The following SIAH3 variants were observed in gnomAD, a reference collection of about 807,000 sequenced individuals.
SIAH3 encodes the protein siah E3 ubiquitin protein ligase family member 3.
Under a neutral mutation model 12.6 loss-of-function variants are expected in SIAH3, and 9 were observed. The observed-to-expected ratio is 0.72, with a 90% CI of 0.43 to 1.25. The LOEUF (loss-of-function observed/expected upper bound fraction) is 1.25. Ranked by LOEUF, SIAH3 falls within the 50% of genes most tolerant of loss-of-function variation. The probability of loss-of-function intolerance (pLI) is 0.00; values close to 1 mark genes in which losing one functional copy is unlikely to be tolerated. For synonymous variants in SIAH3, 154 were observed against 151.1 expected (o/e 1.02, Z -0.14); for missense variants, 390 against 365.4 (o/e 1.07, Z -0.55).
At chr13:45,802,204 G>A (rs534352083) in intron 1 of SIAH3, among the ~76,000 whole-genome samples, 1 of 152,278 alleles carries the variant, frequency 6.6e-6, no homozygotes, top group East Asian at 1.9e-4. Flanking sequence ...TGCTCTGGAG[G>A]CTGAGGCAAG....
intron 1 of SIAH3, among the ~76,000 whole-genome samples, chr13:45,819,047 T>C (rs948866169): frequency 1.3e-5 from 2 of 152,144 alleles, no homozygotes; most frequent in Non-Finnish European, 2.9e-5. Flanking sequence ...GCTGGCTAAA[T>C]GCTGACCCAG....
chr13:45,803,274 ATTCATTCG>A (rs1950588462), intron 1 of SIAH3, among the ~76,000 whole-genome samples: 1 of 152,200 alleles, frequency 6.6e-6, no homozygotes, highest in South Asian at 2.1e-4. Context: ...TTATTCATTC[ATTCATTCG>A]TTCATCAAAC....
intron 1 of SIAH3, among the ~76,000 whole-genome samples, chr13:45,797,021 G>A (rs116828716): frequency 0.02 from 2,984 of 152,152 alleles, 112 homozygotes; most frequent in African/African-American, 0.069. Flanking sequence ...CTAATAATTC[G>A]TTCATCCAAT....
Position 45,824,961 on chromosome 13 carries a change from C to A in SIAH3, c.135+26534G>T, listed in dbSNP as rs369556550. Among the ~76,000 whole-genome samples the A allele has an allele frequency of 7.3e-4, 110 of 150,758 alleles. 1 individual carries two copies. Among genetic ancestry groups the A allele is most frequent in the South Asian group, 6.1e-3 (29 of 4,724 alleles). Reference sequence around the variant, plus strand: ...TCTGCAGGGCTGTGCTGAGAAGTGACAGAGAACCAAGGCGTGTGCTAATGT... The same window carrying A: ...TCTGCAGGGCTGTGCTGAGAAGTGAAAGAGAACCAAGGCGTGTGCTAATGT... On this transcript the variant is annotated intron_variant, in intron 1 of 1. Coordinates refer to ENST00000400405, the MANE Select transcript of SIAH3 (RefSeq NM_198849.3).
intron 1 of SIAH3, among the ~76,000 whole-genome samples, chr13:45,793,840 T>C (rs150223885): frequency 3.2e-4 from 48 of 152,368 alleles, no homozygotes; most frequent in African/African-American, 5.5e-4. Flanking sequence ...AAATTGTCTT[T>C]GTAGATGTAA....
intron 1 of SIAH3, among the ~76,000 whole-genome samples, chr13:45,834,176 T>C (rs978398094): frequency 3.3e-5 from 5 of 152,244 alleles, no homozygotes; most frequent in African/African-American, 4.8e-5. Flanking sequence ...TGCCAATTTC[T>C]TACTAGAATT....
chr13:45,803,303 C>T (rs1258432522), intron 1 of SIAH3, among the ~76,000 whole-genome samples: 1 of 151,970 alleles, frequency 6.6e-6, no homozygotes, highest in Non-Finnish European at 1.5e-5. Context: ...TTTATCAGCC[C>T]TCTTTCATGT....
At chr13:45,840,201 TG>T (rs921999053) in intron 1 of SIAH3, among the ~76,000 whole-genome samples, 12 of 151,856 alleles carry the variant, frequency 7.9e-5, no homozygotes, top group African/African-American at 2.4e-4. Flanking sequence ...GAGATTGCAG[TG>T]AGTTGAGATC....
chr13:45,815,401 C>T (rs1406791499), intron 1 of SIAH3, among the ~76,000 whole-genome samples: 2 of 152,114 alleles, frequency 1.3e-5, no homozygotes, highest in African/African-American at 4.8e-5. Context: ...TACAGACTGT[C>T]TTTGGGCTCC....
Position 45,780,468 on chromosome 13 carries a change from A to C in SIAH3, c.*2915T>G, listed in dbSNP as rs1336705557. On this transcript the variant is annotated 3_prime_UTR_variant, in exon 2 of 2. Transcript: ENST00000400405. ...TTTTTTGTAGAAATGAAGTCTCGCTATATTGCCCAGGCTGGTCTCAAACTC... is the reference window on the plus strand; with the variant it reads ...TTTTTTGTAGAAATGAAGTCTCGCTCTATTGCCCAGGCTGGTCTCAAACTC... 4 of 151,704 alleles carry C rather than the reference A, an allele frequency of 2.6e-5. No homozygotes were observed. The highest frequency in any genetic ancestry group is 1.3e-4 in the Admixed American group (2 of 15,220). The allele number at this position is 151,704 out of a possible 1,614,324, so 9.4% of individuals were successfully genotyped here.
intron 1 of SIAH3, among the ~76,000 whole-genome samples, chr13:45,789,406 ATC>A (rs1491192650): frequency 1.1e-5 from 1 of 91,362 alleles, no homozygotes; most frequent in Non-Finnish European, 2.3e-5. Flanking sequence ...CTATCTATCT[ATC>A]TATCTATCTA....
chr13:45,800,300 G>C (rs576506430), intron 1 of SIAH3, among the ~76,000 whole-genome samples: 37 of 152,052 alleles, frequency 2.4e-4, no homozygotes, highest in Non-Finnish European at 4.4e-4. Context: ...CATTATTTTT[G>C]GTGGCTCCAT....
intron 1 of SIAH3, among the ~76,000 whole-genome samples, chr13:45,820,226 C>G (rs1055491405): frequency 6.6e-6 from 1 of 152,182 alleles, no homozygotes; most frequent in Non-Finnish European, 1.5e-5. Flanking sequence ...AGATGGTTCA[C>G]AGCACCACGA....
intron 1 of SIAH3, among the ~76,000 whole-genome samples, chr13:45,843,347 T>A (rs1396898336): frequency 6.6e-6 from 1 of 152,070 alleles, no homozygotes; most frequent in East Asian, 1.9e-4. Flanking sequence ...CTCAGAGTGG[T>A]GTCATCGAGC....
At chr13:45,846,995 G>T (rs540459228) in intron 1 of SIAH3, among the ~76,000 whole-genome samples, 2 of 152,346 alleles carry the variant, frequency 1.3e-5, no homozygotes, top group Admixed American at 1.3e-4. Flanking sequence ...GGAAGAGGCT[G>T]CAAAGCCTTT....
rs1593373349 is a variant in SIAH3, at chr13:45,783,281, AAAAG to A, written c.*98_*101del. 4.9e-6 allele frequency: 4 copies of A among 809,786 alleles called. No homozygotes were observed. The highest frequency in any genetic ancestry group is 1.8e-5 in the African/African-American group (1 of 56,142). The allele number at this position is 809,786 out of a possible 1,614,324, so 50.2% of individuals were successfully genotyped here. On this transcript the variant is annotated 3_prime_UTR_variant, in exon 2 of 2. Coordinates refer to ENST00000400405, the MANE Select transcript of SIAH3 (RefSeq NM_198849.3). ...TAATAATTAAAAATTAAAAAAAAAA[AAAAG>A]AAAGGAGAAGAATAAAAAGGAGTCT...
At chr13:45,839,567 T>G (rs993593251) in intron 1 of SIAH3, among the ~76,000 whole-genome samples, 1 of 152,252 alleles carries the variant, frequency 6.6e-6, no homozygotes, top group Non-Finnish European at 1.5e-5. Flanking sequence ...GTGCGGTGGC[T>G]CACGCCTGTA....
chr13:45,825,297 T>A (rs1049471762), intron 1 of SIAH3, among the ~76,000 whole-genome samples: 2 of 152,124 alleles, frequency 1.3e-5, no homozygotes, highest in African/African-American at 4.8e-5. Flanking sequence ...CCTAGCCAAA[T>A]CTCATTACAA....
At position 45,834,900 on chromosome 13, in the gene SIAH3, G is replaced by A. The variant is rs1950712720; in HGVS notation, c.135+16595C>T. On this transcript the variant is annotated intron_variant, in intron 1 of 1. Transcript: ENST00000400405. Reference sequence around the variant, plus strand: ...GCTCTATCTCACAGGGTTATTTAAGGATCAAATAAATTAATATTGGTAATT... The same window carrying A: ...GCTCTATCTCACAGGGTTATTTAAGAATCAAATAAATTAATATTGGTAATT... Among the ~76,000 whole-genome samples, 4 of 152,130 alleles carry A rather than the reference G, an allele frequency of 2.6e-5. 1 individual carries two copies. In the South Asian group the frequency reaches 8.3e-4, roughly 32 times the overall value.
Sources: gnomAD v4.1 joint callset for allele counts (sites outside exome capture counted in the v4.1 genomes callset) on GRCh38, gnomAD v4.1.1 for gene constraint, MANE v1.5 for transcripts, NCBI Gene and HGNC (gene_info 2026-07-23, HGNC 2026-07-21) for gene names.